MYH6: variants seen among roughly 807,000 people sequenced by gnomAD.
MYH6 encodes the protein myosin heavy chain 6.
In MYH6, 126 loss-of-function variants were observed where a neutral mutation model predicts 223.2. That is an observed-to-expected ratio of 0.56 (90% CI 0.49 to 0.65). The LOEUF (loss-of-function observed/expected upper bound fraction) is 0.65, where lower values mean the gene tolerates loss of function less well. MYH6 is among the 30% of genes least tolerant of loss of function. MYH6 has a pLI of 0.00. For synonymous variants in MYH6, 978 were observed against 1,010.2 expected, an observed-to-expected ratio of 0.97 and a Z score of 0.61; for missense variants, 2,040 against 2,536.4, an observed-to-expected ratio of 0.80 and a Z score of 4.20.
At chr14:23,395,579 T>C (rs1891367240) in intron 20 of MYH6, among the ~76,000 whole-genome samples, 1 of 151,928 alleles carries the variant, frequency 6.6e-6, no homozygotes, top group South Asian at 2.1e-4. Context: ...CAGGCTAGAG[T>C]GCAGTGGCTC....
intron 20 of MYH6, 61 bp downstream of exon 20, chr14:23,396,223 T>C: frequency 6.2e-7 from 1 of 1,611,584 alleles, no homozygotes; most frequent in South Asian, 1.1e-5. Context: ...CCCACACTAG[T>C]TGACATTGCG....
chr14:23,387,390 G>T, intron 32 of MYH6, 139 bp downstream of exon 32: 1 of 1,382,948 alleles, frequency 7.2e-7, no homozygotes, highest in Non-Finnish European at 1.0e-6. Context: ...CATGGGTAGT[G>T]AATAGTGGGT....
intron 38 of MYH6, 150 bp from the exon 39 acceptor site, chr14:23,382,213 C>T (rs1890882753): frequency 2.7e-6 from 3 of 1,124,314 alleles, no homozygotes; most frequent in Non-Finnish European, 4.0e-6. Flanking sequence ...GTTAGAGGCA[C>T]TTGTGGTTTA....
intron 12 of MYH6, 27 bp from the exon 13 acceptor site, chr14:23,401,004 G>A: frequency 6.2e-7 from 1 of 1,609,954 alleles, no homozygotes; most frequent in Non-Finnish European, 8.5e-7. Context: ...GGATAAGTGA[G>A]CACTTCCTTT....
In MYH6 at chr14:23,393,888, A is replaced by G. The variant is rs150539220; in HGVS notation, c.2706T>C (p.Asp902=). The G allele has an allele frequency of 8.7e-6, 14 of 1,614,166 alleles. No individual in the cohort carries two copies. In the African/African-American group the frequency reaches 1.5e-4, roughly 17 times the overall value. Residue 902 remains aspartate (D), a synonymous_variant, in exon 22 of 39, where the codon GAT becomes GAC. Coordinates refer to ENST00000405093, the MANE Select transcript of MYH6 (RefSeq NM_002471.4). The part of the protein sequence containing the change: ...QVQAEQDNLN[D]AEERCDQLIK... ...TCAGCTGGTCGCAGCGCTCCTCAGC[A>G]TCATTGAGGTTGTCTTGTTCCTGGG...
At position 23,397,052 on chromosome 14, in the gene MYH6, G is replaced by T. The variant is rs1171073800; in HGVS notation, c.2079C>A (p.His693Gln). 4 of 1,614,192 alleles carry T rather than the reference G, an allele frequency of 2.5e-6. No homozygotes were observed. In the East Asian group the frequency reaches 6.7e-5, roughly 27 times the overall value. ...CCAGCACGCCATTGCAGCGCAGCTG[G>T]TGCATGACCAGGGGGTTGTCCATCA... ...PGVMDNPLVM[H>Q]QLRCNGVLEG... The change falls in exon 18 of 39, where the codon CAC becomes CAA. Residue 693 changes from histidine to glutamine, a missense_variant. This residue lies in a region of MYH6 where 649 missense variants were observed against 877.3 expected (regional missense o/e 0.74). Coordinates refer to ENST00000405093, the MANE Select transcript of MYH6 (RefSeq NM_002471.4).
At position 23,388,206 on chromosome 14, in the gene MYH6, G is replaced by T; in HGVS notation, c.4308C>A (p.Arg1436=). 1 of 1,612,416 alleles carries T rather than the reference G, an allele frequency of 6.2e-7. No homozygotes were observed. Among genetic ancestry groups the T allele is most frequent in the South Asian group, 1.1e-5 (1 of 91,004 alleles). Reference sequence around the variant, plus strand: ...CCAGGGCTGCAGCAGCAGCATTGGAGCGCTCTACGTCCACCATCAAGTCCT... The same window carrying T: ...CCAGGGCTGCAGCAGCAGCATTGGATCGCTCTACGTCCACCATCAAGTCCT... The part of the protein sequence containing the change: ...EIEDLMVDVE[R]SNAAAAALDK... Residue 1436 remains arginine (R), a synonymous_variant, in exon 30 of 39, where the codon CGC becomes CGA. Transcript: ENST00000405093.
At chr14:23,392,734 C>A (rs1891271547) in intron 24 of MYH6, 82 bp from the exon 25 acceptor site, 2 of 1,446,774 alleles carry the variant, frequency 1.4e-6, no homozygotes, top group Non-Finnish European at 1.9e-6. Flanking sequence ...CCTTAGTATG[C>A]CAGAATCGGC....
Position 23,394,071 on chromosome 14 carries a change from C to T in MYH6, c.2682G>A (p.Gln894=). Residue 894 remains glutamine (Q), a synonymous_variant, in exon 21 of 39, where the codon CAG becomes CAA. Coordinates refer to ENST00000405093, the MANE Select transcript of MYH6 (RefSeq NM_002471.4). Reference sequence around the variant, plus strand: ...AGAGATAATCACGTGGCCTCACCGCCTGCACTTGGAGCTGCAGGTCATTCT... The same window carrying T: ...AGAGATAATCACGTGGCCTCACCGCTTGCACTTGGAGCTGCAGGTCATTCT... ...QEKNDLQLQV[Q]AEQDNLNDAE... is the part of the protein sequence containing the mutation. 6.2e-7 allele frequency: 1 copy of T among 1,614,164 alleles called. No homozygotes were observed. Among genetic ancestry groups the T allele is most frequent in the Non-Finnish European group, 8.5e-7 (1 of 1,180,044 alleles).
rs747609177 is a variant in MYH6 at position 23,389,513 on chromosome 14, T to C, written c.3860-2A>G. 2.5e-6 allele frequency: 4 copies of C among 1,614,096 alleles called. No homozygotes were observed. The highest frequency in any genetic ancestry group is 3.4e-6 in the Non-Finnish European group (4 of 1,180,048). On this transcript the variant is annotated splice_acceptor_variant, in intron 27 of 38. Coordinates refer to ENST00000405093, the MANE Select transcript of MYH6 (RefSeq NM_002471.4). LOFTEE classifies it high-confidence loss of function. ...CCTCTAGCTGCCGGGCCAACTCTCC[T>C]GGAGGTGAAATGAGGGGCTTGTGGG...
Position 23,387,928 on chromosome 14 carries a change from C to A in MYH6, c.4360-5G>T. ...CTGCTTCCACTCGGCCAGGATCTGC[C>A]CGGGGACAAGGCTCACTCTTCAGCC... On this transcript the variant is annotated splice_region_variant and splice_polypyrimidine_tract_variant and intron_variant, in intron 30 of 38. Coordinates refer to ENST00000405093, the MANE Select transcript of MYH6 (RefSeq NM_002471.4). The A allele has an allele frequency of 3.7e-6, 6 of 1,613,394 alleles. No homozygotes were observed. Among genetic ancestry groups the A allele is most frequent in the Non-Finnish European group, 5.1e-6 (6 of 1,180,008 alleles).
chr14:23,397,310 C>A, intron 16 of MYH6, 53 bp from the exon 17 acceptor site: 2 of 1,528,880 alleles, frequency 1.3e-6, no homozygotes, highest in Non-Finnish European at 1.8e-6. Flanking sequence ...ATCCCTTAGG[C>A]CCTTAAACCC....
chr14:23,382,436 C>T lies in MYH6; in HGVS notation c.5788G>A (p.Gly1930Ser), dbSNP rs761796189. 1 of 1,614,114 alleles carries T rather than the reference C, an allele frequency of 6.2e-7. No individual in the cohort carries two copies. Among genetic ancestry groups the T allele is most frequent in the Non-Finnish European group, 8.5e-7 (1 of 1,180,036 alleles). ...CCAGGGGAGGGACCCACCTTGGCAC[C>T]AATGTCACGGCTCTTGGCTCGAAGC... Reference protein sequence around the residue: ...NKLRAKSRDIGAKQKMHDEE With the variant: ...NKLRAKSRDISAKQKMHDEE The change falls in exon 38 of 39, where the codon GGT becomes AGT. Residue 1930 changes from glycine (G) to serine (S), a missense_variant. Gly to Ser is a moderately conservative substitution (Grantham distance 56, BLOSUM62 0). This residue lies in a region of MYH6 where 1,203 missense variants were observed against 1,400.2 expected (regional missense o/e 0.86). Coordinates refer to ENST00000405093, the MANE Select transcript of MYH6 (RefSeq NM_002471.4).
chr14:23,395,781 G>T (rs1375025577), intron 20 of MYH6, among the ~76,000 whole-genome samples: 1 of 152,056 alleles, frequency 6.6e-6, no homozygotes, highest in Non-Finnish European at 1.5e-5. Flanking sequence ...ACCCGCCTCG[G>T]CCTCCCAAAG....
At position 23,385,956 on chromosome 14, in the gene MYH6, C is replaced by G; in HGVS notation, c.5135G>C (p.Ser1712Thr). 2 of 1,614,242 alleles carry G rather than the reference C, an allele frequency of 1.2e-6. No individual in the cohort carries two copies. Among genetic ancestry groups the G allele is most frequent in the Non-Finnish European group, 1.7e-6 (2 of 1,180,038 alleles). The change falls in exon 34 of 39, where the codon AGC becomes ACC. Residue 1712 changes from serine to threonine, a missense_variant. Ser to Thr is a moderately conservative substitution (Grantham distance 58). This residue lies in a region of MYH6 where 1,203 missense variants were observed against 1,400.2 expected (regional missense o/e 0.86). Coordinates refer to ENST00000405093, the MANE Select transcript of MYH6 (RefSeq NM_002471.4). The stretch of plus-strand genomic sequence containing the variant: ...GGAATGCAGCAGCTGCACCCGCTCG[C>G]TGGTCTCAATCAGCTCCTGCTCCGC... ...KLAEQELIET[S>T]ERVQLLHSQN...
intron 21 of MYH6, 34 bp from the exon 22 acceptor site, chr14:23,393,942 T>G: frequency 1.2e-6 from 2 of 1,614,054 alleles, no homozygotes; most frequent in Admixed American, 3.3e-5. Context: ...AGCTGATGGT[T>G]AAAGAGAGGA....
Position 23,387,738 on chromosome 14 carries a change from C to G in MYH6, c.4525+20G>C, listed in dbSNP as rs1268378635. On this transcript the variant is annotated intron_variant, in intron 31 of 38. Transcript: ENST00000405093. Reference sequence around the variant, plus strand: ...TCCCTCCCACCAACTCATCTCTGGCCTCTTGGACCCCCAGCACACCCTGAA... The same window carrying G: ...TCCCTCCCACCAACTCATCTCTGGCGTCTTGGACCCCCAGCACACCCTGAA... 1.9e-6 allele frequency: 3 copies of G among 1,613,970 alleles called. No individual in the cohort carries two copies. The African/African-American group carries it at 4.0e-5, about 22-fold the overall frequency.
chr14:23,399,127 G>A, intron 14 of MYH6, 90 bp from the exon 15 acceptor site: 1 of 1,522,580 alleles, frequency 6.6e-7, no homozygotes, highest in Non-Finnish European at 9.1e-7. Context: ...AAGGAATCTG[G>A]AGCCAGTAGC....
chr14:23,385,004 G>A lies in MYH6; in HGVS notation c.5201C>T (p.Ser1734Leu), dbSNP rs151324358. 93 of 1,614,172 alleles carry A rather than the reference G, an allele frequency of 5.8e-5. No homozygotes were observed. The African/African-American group carries it at 6.8e-4, about 12-fold the overall frequency. ...TTCCGACTGGAGCTGGGTCAGATCC[G>A]ACTCCATCTTCTTCTTCTGGTTGAT... ...SLINQKKKME[S>L]DLTQLQSEVE... The change falls in exon 35 of 39, where the codon TCG becomes TTG. Residue 1734 changes from serine to leucine, a missense_variant. Ser to Leu is a moderately radical substitution (Grantham distance 145, BLOSUM62 -2). Coordinates refer to ENST00000405093, the MANE Select transcript of MYH6 (RefSeq NM_002471.4).
Sources: gnomAD v4.1 joint callset for allele counts (sites outside exome capture counted in the v4.1 genomes callset) on GRCh38, gnomAD v4.1.1 for gene constraint, gnomAD v4.1.1 regional missense constraint, MANE v1.5 for transcripts, NCBI Gene and HGNC (gene_info 2026-07-23, HGNC 2026-07-21) for gene names.